PLCG2: variants seen among roughly 807,000 people sequenced by gnomAD.
The protein encoded by PLCG2 is phospholipase C gamma 2.
In PLCG2, 69 loss-of-function variants were observed where a neutral mutation model predicts 175.6. That is an observed-to-expected ratio of 0.39 (90% CI 0.32 to 0.48). The LOEUF (loss-of-function observed/expected upper bound fraction) is 0.48, where lower values mean the gene tolerates loss of function less well. PLCG2 is among the 20% of genes least tolerant of loss of function. The pLI, the probability that PLCG2 is intolerant of heterozygous loss-of-function variation, is 0.91. For synonymous variants in PLCG2, 827 were observed against 624.0 expected (o/e 1.33, Z -4.85); for missense variants, 1,798 against 1,650.9 (o/e 1.09, Z -1.54).
chr16:81,948,644 C>A (rs1911246517), intron 31 of PLCG2, among the ~76,000 whole-genome samples: 2 of 152,202 alleles, frequency 1.3e-5, no homozygotes, highest in South Asian at 4.1e-4. Context: ...TGGCACTGAG[C>A]TGGTCCTGGT....
At chr16:81,796,148 C>T (rs955226385) in intron 2 of PLCG2, among the ~76,000 whole-genome samples, 1 of 152,214 alleles carries the variant, frequency 6.6e-6, no homozygotes, top group Non-Finnish European at 1.5e-5. Context: ...GAGCCACTGG[C>T]ACTGAGGACT....
At chr16:81,815,358 C>T (rs1487980622) in intron 2 of PLCG2, among the ~76,000 whole-genome samples, 1 of 152,164 alleles carries the variant, frequency 6.6e-6, no homozygotes, top group Non-Finnish European at 1.5e-5. Context: ...TGAGATCCTT[C>T]TGTGTAGCTG....
chr16:81,830,408 G>A (rs962687161), intron 2 of PLCG2, among the ~76,000 whole-genome samples: 1 of 152,096 alleles, frequency 6.6e-6, no homozygotes, highest in African/African-American at 2.4e-5. Context: ...TTGGGTTCAA[G>A]CGTTTCTTGT....
chr16:81,911,232 CT>C lies in PLCG2; in HGVS notation c.1934+521del, dbSNP rs888697721. 1.3e-3 allele frequency among the ~76,000 whole-genome samples: 193 copies of C among 151,768 alleles called. 1 individual carries two copies. The highest frequency in any genetic ancestry group is 4.5e-3 in the African/African-American group (188 of 41,360). On this transcript the variant is annotated intron_variant, in intron 18 of 32. Coordinates refer to ENST00000564138, the MANE Select transcript of PLCG2 (RefSeq NM_002661.5). The stretch of plus-strand genomic sequence containing the variant: ...GAGGAGGCCGTATTACTTATAGCAA[CT>C]TTTTTTTTCACTTTTTCTGTCACAT...
chr16:81,805,115 A>C (rs1911934398), intron 2 of PLCG2, among the ~76,000 whole-genome samples: 1 of 152,216 alleles, frequency 6.6e-6, no homozygotes, highest in South Asian at 2.1e-4. Flanking sequence ...TTAGGTTAAG[A>C]GGTTAACAAG....
At position 81,779,376 on chromosome 16, in the gene PLCG2, A is replaced by T. The variant is rs1910625361; in HGVS notation, c.-96A>T. 6.6e-6 allele frequency: 1 copy of T among 150,902 alleles called. No homozygotes were observed. Among genetic ancestry groups the T allele is most frequent in the African/African-American group, 2.4e-5 (1 of 41,236 alleles). 9.3% of individuals were successfully genotyped at this position (150,902 alleles called of 1,614,324 possible). A position where few individuals can be genotyped will look rare whatever the true frequency, so the allele number is the denominator to read the frequency against. ...GCGGGCTGCGCGCGCGGGACCCCGG[A>T]GCCCAAACCCGGGGCAGGCGGGCAG... is the stretch of plus-strand genomic sequence containing the variant. On this transcript the variant is annotated 5_prime_UTR_variant, in exon 1 of 33. Transcript: ENST00000564138.
At chr16:81,889,904 C>T (rs535024235) in intron 10 of PLCG2, among the ~76,000 whole-genome samples, 1 of 152,170 alleles carries the variant, frequency 6.6e-6, no homozygotes, top group South Asian at 2.1e-4. Context: ...ATCAGCCCGC[C>T]TCAGCTTCCC....
intron 13 of PLCG2, among the ~76,000 whole-genome samples, chr16:81,897,548 C>CTTTTTTTT (rs10710027): frequency 1.6e-5 from 2 of 128,676 alleles, no homozygotes; most frequent in Non-Finnish European, 1.6e-5. Flanking sequence ...CTTTTCTTTT[C>CTTTTTTTT]TTTTTTTTTT....
chr16:81,813,430 G>A (rs1383533515), intron 2 of PLCG2, among the ~76,000 whole-genome samples: 1 of 152,120 alleles, frequency 6.6e-6, no homozygotes, highest in African/African-American at 2.4e-5. Flanking sequence ...TCTCTTAGTA[G>A]CAATTGTGAA....
At chr16:81,852,316 A>G (rs537430262) in intron 2 of PLCG2, among the ~76,000 whole-genome samples, 1 of 152,280 alleles carries the variant, frequency 6.6e-6, no homozygotes, top group South Asian at 2.1e-4. Context: ...CCAGTCACTG[A>G]GCCAGGGCAC....
chr16:81,937,758 A>G lies in PLCG2; in HGVS notation c.3053A>G (p.Asp1018Gly). ...QMVALNFQTA[D>G]KYMQMNHALF... is the part of the protein sequence containing the mutation. ...AGCAGGCGTTCACTTTCCTTCCCAG[A>G]TAAGTACATGCAGATGAATCACGCA... The change falls in exon 28 of 33, where the codon GAT becomes GGT. Residue 1018 changes from aspartate (D) to glycine (G), a missense_variant and splice_region_variant. Physicochemically the swap from Asp to Gly is moderately conservative, Grantham distance 94. Transcript: ENST00000564138. 4 of 1,612,924 alleles carry G rather than the reference A, an allele frequency of 2.5e-6. No homozygotes were observed. Among genetic ancestry groups the G allele is most frequent in the Non-Finnish European group, 3.4e-6 (4 of 1,179,378 alleles).
intron 7 of PLCG2, among the ~76,000 whole-genome samples, chr16:81,878,914 C>T (rs771494492): frequency 1.3e-5 from 2 of 152,112 alleles, no homozygotes; most frequent in Admixed American, 6.6e-5. Flanking sequence ...CCTGCAAACA[C>T]GTTCCCAGGT....
At chr16:81,788,250 C>G (rs1329907189) in intron 2 of PLCG2, among the ~76,000 whole-genome samples, 1 of 152,074 alleles carries the variant, frequency 6.6e-6, no homozygotes, top group Non-Finnish European at 1.5e-5. Context: ...AGGACAGCTT[C>G]CTGAAGGTTT....
intron 14 of PLCG2, among the ~76,000 whole-genome samples, chr16:81,904,412 G>C (rs186366823): frequency 1.3e-5 from 2 of 152,188 alleles, no homozygotes; most frequent in Non-Finnish European, 2.9e-5. Context: ...ACAGACGCTT[G>C]CCTGCGTGGG....
chr16:81,881,930 G>A (rs797020833), intron 8 of PLCG2, among the ~76,000 whole-genome samples: 43 of 152,234 alleles, frequency 2.8e-4, no homozygotes, highest in African/African-American at 9.6e-4. Flanking sequence ...GGGATTACAG[G>A]CATGTGCCAC....
chr16:81,870,030 T>C (rs1032270098), intron 6 of PLCG2, among the ~76,000 whole-genome samples: 4 of 152,230 alleles, frequency 2.6e-5, no homozygotes, highest in African/African-American at 9.6e-5. Flanking sequence ...CATTTCATTT[T>C]TGTATTAATG....
chr16:81,795,740 C>A (rs1426478263), intron 2 of PLCG2, among the ~76,000 whole-genome samples: 1 of 152,046 alleles, frequency 6.6e-6, no homozygotes, highest in East Asian at 1.9e-4. Flanking sequence ...TTGCTTATTG[C>A]CCAGGCTGGA....
At chr16:81,935,165 G>C (rs1358775199) in intron 26 of PLCG2, among the ~76,000 whole-genome samples, 2 of 152,124 alleles carry the variant, frequency 1.3e-5, no homozygotes, top group African/African-American at 4.8e-5. Context: ...TCAACATCAG[G>C]GTGCCAGCAG....
rs1460956354 is a variant in PLCG2, at chr16:81,746,069, C to T, written c.-145+6684C>T. 3.3e-5 allele frequency among the ~76,000 whole-genome samples: 5 copies of T among 152,288 alleles called. 1 individual carries two copies. On this transcript the variant is annotated intron_variant, in intron 1 of 5. Coordinates refer to the PLCG2 transcript ENST00000565054. ...CAGAACCAGGGAAGGAATTTCATGG[C>T]CCCTAGAAAACTCAATAGGCAAGAG...
Sources: gnomAD v4.1 joint callset for allele counts (sites outside exome capture counted in the v4.1 genomes callset) on GRCh38, gnomAD v4.1.1 for gene constraint, MANE v1.5 for transcripts, NCBI Gene and HGNC (gene_info 2026-07-23, HGNC 2026-07-21) for gene names.